STON2: variants seen among roughly 807,000 people sequenced by gnomAD.
STON2 encodes the protein stonin 2.
Under a neutral mutation model 65.7 loss-of-function variants are expected in STON2, and 29 were observed. The observed-to-expected ratio is 0.44, with a 90% CI of 0.33 to 0.60. The LOEUF (loss-of-function observed/expected upper bound fraction) is 0.60. Among genes scored for constraint, STON2 ranks in the 20% least tolerant of loss-of-function variants. STON2 has a pLI of 0.03. For missense variants in STON2, 1,054 were observed against 1,118.1 expected (o/e 0.94, Z 0.82); for synonymous variants, 404 against 414.2 (o/e 0.98, Z 0.30).
chr14:81,266,685 T>C lies in STON2; in HGVS notation c.*1729A>G, dbSNP rs972413892. ...CTTTTATTAACACCAGCTGACTACA[T>C]TAGCTTTGTGAATAGCCATGATATA... is the stretch of plus-strand genomic sequence containing the variant. On this transcript the variant is annotated 3_prime_UTR_variant, in exon 8 of 8. Transcript: ENST00000614646. 7.1e-6 allele frequency: 7 copies of C among 985,212 alleles called. No individual in the cohort carries two copies. The African/African-American group carries it at 1.2e-4, about 17-fold the overall frequency. 61.0% of individuals were successfully genotyped at this position (985,212 alleles called of 1,614,324 possible). A position where few individuals can be genotyped will look rare whatever the true frequency, so the allele number is the denominator to read the frequency against.
chr14:81,263,161 T>C lies in STON2; in HGVS notation c.*5253A>G, dbSNP rs1207342260. The stretch of plus-strand genomic sequence containing the variant: ...TTCCTGTTAAATTGCATTCTGGACA[T>C]GACCTAAGGCTAGCTTGTCCAACCC... On this transcript the variant is annotated 3_prime_UTR_variant, in exon 8 of 8. Coordinates refer to ENST00000614646, the MANE Select transcript of STON2 (RefSeq NM_001394390.1). The C allele has an allele frequency of 1.0e-6, 1 of 985,314 alleles. No homozygotes were observed. The highest frequency in any genetic ancestry group is 1.2e-6 in the Non-Finnish European group (1 of 829,926). 61.0% of individuals were successfully genotyped at this position (985,314 alleles called of 1,614,324 possible). A position where few individuals can be genotyped will look rare whatever the true frequency, so the allele number is the denominator to read the frequency against.
At chr14:81,323,050 T>C (rs1398306254) in intron 5 of STON2, among the ~76,000 whole-genome samples, 1 of 152,204 alleles carries the variant, frequency 6.6e-6, no homozygotes, top group East Asian at 1.9e-4. Flanking sequence ...TCTGATGTAA[T>C]TCCTCAAATT....
chr14:81,415,784 T>C (rs1766810145), intron 2 of STON2, among the ~76,000 whole-genome samples: 2 of 152,300 alleles, frequency 1.3e-5, no homozygotes, highest in Non-Finnish European at 2.9e-5. Context: ...GGTTTTAATT[T>C]GGTCCAATCA....
Position 81,398,410 on chromosome 14 carries a change from C to T in STON2, c.-28G>A. 1.3e-6 allele frequency: 2 copies of T among 1,574,364 alleles called. No homozygotes were observed. Among genetic ancestry groups the T allele is most frequent in the Non-Finnish European group, 1.7e-6 (2 of 1,144,014 alleles). ...TAAAAAGGCACTGGTCATCTTCACA[C>T]TGCTGACCTCAGGTGAACCCCAGAA... On this transcript the variant is annotated 5_prime_UTR_variant, in exon 2 of 8. The change creates a new upstream start codon in the 5' untranslated region. Transcript: ENST00000614646.
At chr14:81,420,220 G>A (rs577566719) in intron 2 of STON2, among the ~76,000 whole-genome samples, 1 of 152,346 alleles carries the variant, frequency 6.6e-6, no homozygotes, top group South Asian at 2.1e-4. Context: ...CCAGAGACAG[G>A]TAGGGCTAAG....
chr14:81,354,186 C>T (rs1898132844), intron 4 of STON2, among the ~76,000 whole-genome samples: 1 of 152,220 alleles, frequency 6.6e-6, no homozygotes, highest in East Asian at 1.9e-4. Flanking sequence ...CGACAGGGTC[C>T]ATCCAACAGC....
chr14:81,319,653 T>A (rs1896752230), intron 5 of STON2, among the ~76,000 whole-genome samples: 1 of 152,218 alleles, frequency 6.6e-6, no homozygotes, highest in African/African-American at 2.4e-5. Context: ...ACAAGACCAT[T>A]GAATTATTGG....
rs763605818 is a variant in STON2, at chr14:81,270,777, T to C, written c.2677A>G (p.Ser893Gly). Residue 893 changes from serine (S) to glycine (G), a missense_variant, in exon 7 of 8, where the codon AGC becomes GGC. Physicochemically the swap from Ser to Gly is moderately conservative, Grantham distance 56 (BLOSUM62 0). Transcript: ENST00000614646. ...RFANHVNVEF[S>G]MPTTSASKAS... ...TTGGAGGCAGAAGTTGTGGGCATGCTGAACTCGACATTCACGTGATTGGCA... is the reference window on the plus strand; with the variant it reads ...TTGGAGGCAGAAGTTGTGGGCATGCCGAACTCGACATTCACGTGATTGGCA... 1 of 1,614,172 alleles carries C rather than the reference T, an allele frequency of 6.2e-7. No individual in the cohort carries two copies. Among genetic ancestry groups the C allele is most frequent in the South Asian group, 1.1e-5 (1 of 91,080 alleles).
At chr14:81,356,339 T>C (rs1179350529) in intron 4 of STON2, among the ~76,000 whole-genome samples, 1 of 152,244 alleles carries the variant, frequency 6.6e-6, no homozygotes, top group Non-Finnish European at 1.5e-5. Context: ...GAACTAGCCT[T>C]GCATCCCAGG....
intron 3 of STON2, among the ~76,000 whole-genome samples, chr14:81,381,098 T>C (rs185810774): frequency 3.7e-4 from 57 of 152,226 alleles, no homozygotes; most frequent in Middle Eastern, 3.4e-3. Flanking sequence ...CATGTTAAAA[T>C]AAACAACAAT....
At chr14:81,379,201 A>T (rs529212201) in intron 3 of STON2, among the ~76,000 whole-genome samples, 5 of 152,214 alleles carry the variant, frequency 3.3e-5, no homozygotes, top group Non-Finnish European at 7.4e-5. Context: ...TCAACATATA[A>T]AAGTGAATTG....
intron 4 of STON2, among the ~76,000 whole-genome samples, chr14:81,345,252 C>T (rs1359288719): frequency 2.0e-5 from 3 of 152,122 alleles, no homozygotes; most frequent in Non-Finnish European, 4.4e-5. Flanking sequence ...GACCCTGGTA[C>T]CTCAGAATTG....
intron 2 of STON2, among the ~76,000 whole-genome samples, chr14:81,408,698 T>TC (rs1178211223): frequency 6.6e-6 from 1 of 152,250 alleles, no homozygotes; most frequent in Non-Finnish European, 1.5e-5. Flanking sequence ...GGCTCTGCTA[T>TC]CTAACAATTC....
intron 3 of STON2, among the ~76,000 whole-genome samples, chr14:81,375,758 T>C (rs1473338140): frequency 6.6e-6 from 1 of 151,754 alleles, no homozygotes; most frequent in Non-Finnish European, 1.5e-5. Flanking sequence ...ACCAAGAATT[T>C]TTATGATAAG....
At chr14:81,305,969 G>C (rs1896156558) in intron 5 of STON2, among the ~76,000 whole-genome samples, 1 of 151,990 alleles carries the variant, frequency 6.6e-6, no homozygotes, top group Non-Finnish European at 1.5e-5. Context: ...GCAAAAACCA[G>C]CTATAACTCC....
At chr14:81,317,775 C>T (rs568386469) in intron 5 of STON2, among the ~76,000 whole-genome samples, 18 of 152,068 alleles carry the variant, frequency 1.2e-4, no homozygotes, top group African/African-American at 4.3e-4. Context: ...GTAAAGACAC[C>T]ACACACATAA....
intron 4 of STON2, among the ~76,000 whole-genome samples, chr14:81,364,707 T>C: frequency 6.6e-6 from 1 of 152,198 alleles, no homozygotes. Flanking sequence ...GAATACATGT[T>C]ATAAATCTCC....
chr14:81,276,089 G>A (rs756969414), intron 6 of STON2, among the ~76,000 whole-genome samples: 1 of 152,186 alleles, frequency 6.6e-6, no homozygotes, highest in African/African-American at 2.4e-5. Flanking sequence ...GGGTCACCCA[G>A]ACATACTCTA....
intron 1 of STON2, among the ~76,000 whole-genome samples, chr14:81,435,691 ACACACACGCACACGCGCGCG>A (rs979980511): frequency 2.4e-4 from 36 of 149,476 alleles, no homozygotes; most frequent in African/African-American, 7.5e-4. Context: ...GCACGAATGC[ACACACACGCACACGCGCGCG>A]CACACACGCA....
Sources: allele counts gnomAD v4.1 joint callset (sites outside exome capture counted in the v4.1 genomes callset), GRCh38; gene constraint gnomAD v4.1.1; transcripts MANE v1.5; gene names NCBI Gene and HGNC (gene_info 2026-07-23, HGNC 2026-07-21).